The following PTPRD variants were observed in gnomAD, a reference collection of about 807,000 sequenced individuals.
PTPRD encodes the protein protein tyrosine phosphatase receptor type D.
PTPRD carries 34 observed loss-of-function variants against 214.5 expected under a neutral mutation model. That is an observed-to-expected ratio of 0.16 (90% confidence interval 0.12 to 0.21). The LOEUF is 0.21. Among genes scored for constraint, PTPRD ranks in the 10% least tolerant of loss-of-function variants. PTPRD has a pLI of 1.00. For synonymous variants in PTPRD, 1,128 were observed against 845.7 expected, an observed-to-expected ratio of 1.33 and a Z score of -5.79; for missense variants, 2,545 against 2,398.7, an observed-to-expected ratio of 1.06 and a Z score of -1.27.
chr9:9,949,333 A>G (rs2093182784), intron 4 of PTPRD, among the ~76,000 whole-genome samples: 1 of 152,114 alleles, frequency 6.6e-6, no homozygotes, highest in Non-Finnish European at 1.5e-5. Context: ...ACATTATAAG[A>G]CTTAAAAATT....
chr9:9,188,094 C>A (rs1320961902), intron 9 of PTPRD, among the ~76,000 whole-genome samples: 4 of 152,010 alleles, frequency 2.6e-5, no homozygotes, highest in African/African-American at 9.7e-5. Flanking sequence ...GGTAAACAAA[C>A]ACCATCTTGA....
intron 7 of PTPRD, among the ~76,000 whole-genome samples, chr9:9,630,976 A>C (rs2095571295): frequency 6.6e-6 from 1 of 152,140 alleles, no homozygotes; most frequent in Admixed American, 6.6e-5. Context: ...AAGTATATAA[A>C]TCCCTTTCAT....
chr9:10,484,253 G>A (rs985587999), intron 2 of PTPRD, among the ~76,000 whole-genome samples: 1 of 152,010 alleles, frequency 6.6e-6, no homozygotes. Flanking sequence ...ATGGGTACAC[G>A]AGGTCAGACA....
Position 8,948,439 on chromosome 9 carries a change from A to ATATATATATATTTATATATATATT in PTPRD, c.-104+70257_-104+70258insAATATATATATAAATATATATATA, listed in dbSNP as rs1567181539. 6.2e-4 allele frequency among the ~76,000 whole-genome samples: 3 copies of ATATATATATATTTATATATATATT among 4,878 alleles called. 1 individual carries two copies. Among genetic ancestry groups the ATATATATATATTTATATATATATT allele is most frequent in the Non-Finnish European group, 1.5e-3 (3 of 1,998 alleles). The allele number at this position is 4,878 out of a possible 152,430, so 3.2% of individuals were successfully genotyped here. Reference sequence around the variant, plus strand: ...TATATATATATTTATATATATATTTACATATATATATATTTATATATATAT... The same window carrying ATATATATATATTTATATATATATT: ...TATATATATATTTATATATATATTTATATATATATATTTATATATATATTCATATATATATATTTATATATATAT... On this transcript the variant is annotated intron_variant, in intron 11 of 45. Transcript: ENST00000381196.
intron 11 of PTPRD, among the ~76,000 whole-genome samples, chr9:8,832,055 T>C (rs561043230): frequency 7.9e-5 from 12 of 151,952 alleles, no homozygotes; most frequent in African/African-American, 2.9e-4. Context: ...AGAGCTATAA[T>C]GTGCACTGAA....
At chr9:8,643,497 C>T (rs2096621517) in intron 12 of PTPRD, among the ~76,000 whole-genome samples, 2 of 152,148 alleles carry the variant, frequency 1.3e-5, no homozygotes, top group African/African-American at 2.4e-5. Flanking sequence ...CAGCAGCAGG[C>T]CATGTGGAGC....
At chr9:8,532,261 T>G (rs1298667250) in intron 14 of PTPRD, among the ~76,000 whole-genome samples, 1 of 152,082 alleles carries the variant, frequency 6.6e-6, no homozygotes, top group East Asian at 1.9e-4. Context: ...AACTCAGTAT[T>G]CAACATAAAA....
intron 9 of PTPRD, among the ~76,000 whole-genome samples, chr9:9,275,530 G>A (rs1322297133): frequency 6.6e-6 from 1 of 150,898 alleles, no homozygotes; most frequent in Non-Finnish European, 1.5e-5. Flanking sequence ...TTCTGCAACA[G>A]GTTCCATTAG....
chr9:8,549,466 A>G (rs544117422), intron 14 of PTPRD, among the ~76,000 whole-genome samples: 2 of 152,338 alleles, frequency 1.3e-5, no homozygotes, highest in African/African-American at 4.8e-5. Flanking sequence ...TTACAGTGAG[A>G]AGAGTATGGG....
chr9:8,619,322 T>C (rs2095732762), intron 14 of PTPRD, among the ~76,000 whole-genome samples: 2 of 151,876 alleles, frequency 1.3e-5, no homozygotes, highest in Non-Finnish European at 2.9e-5. Flanking sequence ...AAATGTTCTA[T>C]CCTTTGACCA....
chr9:9,443,306 T>C (rs2088992710), intron 8 of PTPRD, among the ~76,000 whole-genome samples: 1 of 152,226 alleles, frequency 6.6e-6, no homozygotes, highest in African/African-American at 2.4e-5. Context: ...TGTTCTCTAC[T>C]TCTAGTTAGC....
At chr9:8,319,739 G>T (rs2130678954) in intron 45 of PTPRD, 92 bp downstream of exon 45, 1 of 1,452,656 alleles carries the variant, frequency 6.9e-7, no homozygotes, top group South Asian at 1.2e-5. Context: ...ACAGTATTTT[G>T]TGTCTGGTGT....
intron 12 of PTPRD, among the ~76,000 whole-genome samples, chr9:8,723,896 T>C (rs753862868): frequency 6.6e-6 from 1 of 152,248 alleles, no homozygotes; most frequent in Non-Finnish European, 1.5e-5. Context: ...ACGATTTAAG[T>C]ACTTAGTGTA....
intron 5 of PTPRD, among the ~76,000 whole-genome samples, chr9:9,905,648 A>G (rs965302194): frequency 2.0e-5 from 3 of 152,032 alleles, no homozygotes; most frequent in Non-Finnish European, 4.4e-5. Flanking sequence ...AACTCAGCAC[A>G]AAACCCAAGA....
At chr9:9,763,865 A>C (rs2098683196) in intron 6 of PTPRD, among the ~76,000 whole-genome samples, 1 of 152,146 alleles carries the variant, frequency 6.6e-6, no homozygotes, top group African/African-American at 2.4e-5. Flanking sequence ...AAATAGACAC[A>C]ATCACATTGA....
At chr9:10,057,819 G>C (rs2097685260) in intron 3 of PTPRD, among the ~76,000 whole-genome samples, 1 of 147,740 alleles carries the variant, frequency 6.8e-6, no homozygotes, top group Non-Finnish European at 1.5e-5. Flanking sequence ...TCCAGCCTGG[G>C]CAACAGAGTG....
chr9:9,525,936 A>T (rs1477543936), intron 8 of PTPRD, among the ~76,000 whole-genome samples: 1 of 152,160 alleles, frequency 6.6e-6, no homozygotes, highest in Non-Finnish European at 1.5e-5. Context: ...TCACTCTAGA[A>T]ATCCTCATAT....
intron 9 of PTPRD, among the ~76,000 whole-genome samples, chr9:9,387,168 G>T (rs907885210): frequency 6.6e-6 from 1 of 152,168 alleles, no homozygotes; most frequent in Non-Finnish European, 1.5e-5. Flanking sequence ...ACTTCAGCTA[G>T]GGCATCTCTA....
intron 3 of PTPRD, among the ~76,000 whole-genome samples, chr9:10,315,732 C>G (rs576602967): frequency 1.6e-4 from 25 of 152,032 alleles, no homozygotes; most frequent in African/African-American, 5.3e-4. Flanking sequence ...CCGCAGGGCA[C>G]AGCAATAGGC....
Sources: allele counts gnomAD v4.1 joint callset (sites outside exome capture counted in the v4.1 genomes callset), GRCh38; gene constraint gnomAD v4.1.1; transcripts MANE v1.5; gene names NCBI Gene and HGNC (gene_info 2026-07-23, HGNC 2026-07-21).